The following MAML2 variants were observed in gnomAD, a reference collection of about 807,000 sequenced individuals.
MAML2 encodes mastermind like transcriptional coactivator 2.
MAML2 carries 22 observed loss-of-function variants against 96.1 expected under a neutral mutation model. That is an observed-to-expected ratio of 0.23 (90% CI 0.16 to 0.33). The LOEUF is 0.33. MAML2 is among the 10% of genes least tolerant of loss of function. The pLI, the probability that MAML2 is intolerant of heterozygous loss-of-function variation, is 1.00. For synonymous variants in MAML2, 561 were observed against 521.3 expected, an observed-to-expected ratio of 1.08 and a Z score of -1.04; for missense variants, 1,367 against 1,392.4, an observed-to-expected ratio of 0.98 and a Z score of 0.29.
chr11:96,253,405 G>A lies in MAML2; in HGVS notation c.513+87978C>T, dbSNP rs74543436. 1.0e-3 allele frequency among the ~76,000 whole-genome samples: 157 copies of A among 152,266 alleles called. 2 individuals are homozygous for A. The East Asian group carries it at 0.022, about 21-fold the overall frequency. On this transcript the variant is annotated intron_variant, in intron 1 of 4. Coordinates refer to ENST00000524717, the MANE Select transcript of MAML2 (RefSeq NM_032427.4). ...TCCCCTTCCTTACTCAACACAAGAC[G>A]AAATCACAAAATCCATATGGAGGAG...
At chr11:96,127,835 C>G (rs555697109) in intron 1 of MAML2, among the ~76,000 whole-genome samples, 117 of 152,288 alleles carry the variant, frequency 7.7e-4, no homozygotes, top group African/African-American at 2.8e-3. Context: ...CTGCTGACTT[C>G]CCATCCTAGT....
chr11:96,125,930 T>G (rs1385482925), intron 1 of MAML2, among the ~76,000 whole-genome samples: 1 of 152,156 alleles, frequency 6.6e-6, no homozygotes, highest in African/African-American at 2.4e-5. Context: ...ATTGTGCTAG[T>G]GGGCAGAACA....
intron 1 of MAML2, among the ~76,000 whole-genome samples, chr11:96,232,484 C>G (rs1409974593): frequency 7.0e-6 from 1 of 143,816 alleles, no homozygotes; most frequent in South Asian, 2.2e-4. Context: ...TTTTTTTTTT[C>G]TTTGAGATGG....
At position 96,342,581 on chromosome 11, in the gene MAML2, T is replaced by C; in HGVS notation, c.-686A>G. On this transcript the variant is annotated 5_prime_UTR_variant, in exon 1 of 5. Coordinates refer to ENST00000524717, the MANE Select transcript of MAML2 (RefSeq NM_032427.4). ...CTCCCTTTCCTTTCGCTCCGGTGTT[T>C]TCTCCTCTTTGGGGTACTGTAGGAT... 1 of 395,436 alleles carries C rather than the reference T, an allele frequency of 2.5e-6. No individual in the cohort carries two copies. The highest frequency in any genetic ancestry group is 4.5e-6 in the Non-Finnish European group (1 of 224,590). The allele number at this position is 395,436 out of a possible 1,614,324, so 24.5% of individuals were successfully genotyped here.
chr11:96,229,955 A>G (rs1163658494), intron 1 of MAML2, among the ~76,000 whole-genome samples: 1 of 152,228 alleles, frequency 6.6e-6, no homozygotes, highest in Admixed American at 6.5e-5. Context: ...ACAGAAAAGT[A>G]CTATGTTTGG....
At chr11:96,184,718 G>T (rs553148501) in intron 1 of MAML2, among the ~76,000 whole-genome samples, 402 of 150,832 alleles carry the variant, frequency 2.7e-3, no homozygotes, top group Non-Finnish European at 4.4e-3. Context: ...GCCTCTCGAG[G>T]AGCTGGGACT....
rs76849998 is a variant in MAML2 at position 96,046,792 on chromosome 11, T to C, written c.2139+45100A>G. On this transcript the variant is annotated intron_variant, in intron 2 of 4. Coordinates refer to ENST00000524717, the MANE Select transcript of MAML2 (RefSeq NM_032427.4). ...GTCAGAGTCTGTTTAGGAAAAGATA[T>C]GGTGGAGAAATGGAATCTAGGTATC... Among the ~76,000 whole-genome samples, 1,275 of 152,290 alleles carry C rather than the reference T, an allele frequency of 8.4e-3. 13 individuals carry two copies. Among genetic ancestry groups the C allele is most frequent in the Non-Finnish European group, 0.013 (866 of 68,024 alleles).
Position 96,069,053 on chromosome 11 carries a change from C to A in MAML2, c.2139+22839G>T, listed in dbSNP as rs181510732. 9.9e-4 allele frequency among the ~76,000 whole-genome samples: 150 copies of A among 151,302 alleles called. 1 individual carries two copies. The highest frequency in any genetic ancestry group is 3.3e-3 in the African/African-American group (135 of 41,280). Reference sequence around the variant, plus strand: ...CCTCCTGTCTCAGCTTCATGAGTAGCTAGGACTACAGGCTACAGGCATGTG... The same window carrying A: ...CCTCCTGTCTCAGCTTCATGAGTAGATAGGACTACAGGCTACAGGCATGTG... On this transcript the variant is annotated intron_variant, in intron 2 of 4. Coordinates refer to ENST00000524717, the MANE Select transcript of MAML2 (RefSeq NM_032427.4).
At chr11:96,050,862 A>T (rs967078218) in intron 2 of MAML2, among the ~76,000 whole-genome samples, 1 of 147,316 alleles carries the variant, frequency 6.8e-6, no homozygotes, top group Non-Finnish European at 1.5e-5. Flanking sequence ...GGATCTCATC[A>T]TTTGGCACCC....
intron 1 of MAML2, among the ~76,000 whole-genome samples, chr11:96,204,804 C>G (rs941190914): frequency 3.5e-4 from 54 of 152,172 alleles, no homozygotes; most frequent in African/African-American, 1.3e-3. Flanking sequence ...CAAGGTGAAT[C>G]TTGAAGGTGT....
intron 2 of MAML2, among the ~76,000 whole-genome samples, chr11:96,085,567 G>C (rs1859596433): frequency 6.6e-6 from 1 of 152,178 alleles, no homozygotes; most frequent in African/African-American, 2.4e-5. Flanking sequence ...ATATCTGTCA[G>C]ATTTTCCATT....
At chr11:96,305,207 G>A (rs890332146) in intron 1 of MAML2, among the ~76,000 whole-genome samples, 1 of 152,186 alleles carries the variant, frequency 6.6e-6, no homozygotes, top group Admixed American at 6.5e-5. Flanking sequence ...AAGGGAGAGG[G>A]AAGGATAAAC....
rs938550054 is a variant in MAML2, at chr11:95,978,686, C to A, written c.*262G>T. On this transcript the variant is annotated 3_prime_UTR_variant, in exon 5 of 5. Transcript: ENST00000524717. Reference sequence around the variant, plus strand: ...CACAATTAATTACACATTGACACCACAGTTCTGTTTGGATAAATTGGATAC... The same window carrying A: ...CACAATTAATTACACATTGACACCAAAGTTCTGTTTGGATAAATTGGATAC... The A allele has an allele frequency of 8.6e-5, 35 of 406,828 alleles. No individual in the cohort carries two copies. Among genetic ancestry groups the A allele is most frequent in the African/African-American group, 7.1e-4 (35 of 49,132 alleles). The allele number at this position is 406,828 out of a possible 1,614,324, so 25.2% of individuals were successfully genotyped here.
intron 2 of MAML2, among the ~76,000 whole-genome samples, chr11:95,997,008 T>C (rs1319662853): frequency 6.6e-6 from 1 of 152,198 alleles, no homozygotes; most frequent in Non-Finnish European, 1.5e-5. Flanking sequence ...AGAATTAGGC[T>C]ATTTCCATCT....
intron 1 of MAML2, among the ~76,000 whole-genome samples, chr11:96,183,896 A>C (rs1387103247): frequency 6.6e-6 from 1 of 152,198 alleles, no homozygotes; most frequent in Non-Finnish European, 1.5e-5. Flanking sequence ...ATATTATCTA[A>C]TTGAAATGAG....
rs78881343 is a variant in MAML2 at position 96,212,327 on chromosome 11, C to T, written c.514-118810G>A. Among the ~76,000 whole-genome samples the T allele has an allele frequency of 1.1e-3, 165 of 151,754 alleles. 1 individual carries two copies. The highest frequency in any genetic ancestry group is 1.9e-3 in the Non-Finnish European group (131 of 67,920). ...GTAACTGAGGACACAAGAGTGTCTG[C>T]GATCACCGAGAAGAGCAGGCAGAAT... On this transcript the variant is annotated intron_variant, in intron 1 of 4. Transcript: ENST00000524717.
chr11:96,029,743 A>T (rs1254796979), intron 2 of MAML2, among the ~76,000 whole-genome samples: 1 of 152,134 alleles, frequency 6.6e-6, no homozygotes, highest in Non-Finnish European at 1.5e-5. Context: ...TTCTATGTTC[A>T]GTGGCGCTTT....
intron 2 of MAML2, among the ~76,000 whole-genome samples, chr11:96,035,118 G>T (rs906238761): frequency 9.2e-5 from 14 of 152,288 alleles, no homozygotes; most frequent in Non-Finnish European, 7.4e-5. Flanking sequence ...AGAAGGAAAA[G>T]AATTTGCATA....
intron 1 of MAML2, among the ~76,000 whole-genome samples, chr11:96,287,718 T>C (rs1382740524): frequency 6.6e-6 from 1 of 152,232 alleles, no homozygotes; most frequent in Non-Finnish European, 1.5e-5. Context: ...CATTAAATAC[T>C]CAGACACCTT....
Sources: allele counts gnomAD v4.1 joint callset (sites outside exome capture counted in the v4.1 genomes callset), GRCh38; gene constraint gnomAD v4.1.1; transcripts MANE v1.5; gene names NCBI Gene and HGNC (gene_info 2026-07-23, HGNC 2026-07-21).